FAM81A: variants seen among roughly 807,000 people sequenced by gnomAD.
FAM81A encodes the protein protein FAM81A.
Under a neutral mutation model 46.7 loss-of-function variants are expected in FAM81A, and 19 were observed. The ratio of observed to expected loss-of-function variants is 0.41; its 90% CI spans 0.28 to 0.60. The LOEUF (loss-of-function observed/expected upper bound fraction) is 0.60, where lower values mean the gene tolerates loss of function less well. Among genes scored for constraint, FAM81A ranks in the 20% least tolerant of loss-of-function variants. The pLI, the probability that FAM81A is intolerant of heterozygous loss-of-function variation, is 0.34. For missense variants in FAM81A, 377 were observed against 453.5 expected, an observed-to-expected ratio of 0.83 and a Z score of 1.53; for synonymous variants, 183 against 152.9, an observed-to-expected ratio of 1.20 and a Z score of -1.45.
At chr15:59,465,611 C>T (rs749450113) in intron 3 of FAM81A, among the ~76,000 whole-genome samples, 46 of 152,082 alleles carry the variant, frequency 3.0e-4, no homozygotes, top group South Asian at 2.1e-4. Context: ...TGTCTATTCG[C>T]GGTCTTTTGT....
intron 8 of FAM81A, among the ~76,000 whole-genome samples, chr15:59,517,633 T>A (rs1319173182): frequency 2.6e-5 from 4 of 152,242 alleles, no homozygotes; most frequent in Non-Finnish European, 4.4e-5. Flanking sequence ...TGTTCTGTTT[T>A]GGCCACATGG....
chr15:59,521,181 C>T, intron 8 of FAM81A, 73 bp from the exon 9 acceptor site: 1 of 1,522,312 alleles, frequency 6.6e-7, no homozygotes, highest in South Asian at 1.3e-5. Context: ...TCAACCATTA[C>T]TAGATACTAT....
intron 1 of FAM81A, chr15:59,401,090 G>A (rs1446962904): frequency 3.6e-6 from 2 of 552,464 alleles, no homozygotes; most frequent in African/African-American, 3.8e-5. Context: ...CCATTTTAAT[G>A]TTTGCAATTT....
At chr15:59,492,580 T>C (rs2081992755) in intron 4 of FAM81A, among the ~76,000 whole-genome samples, 191 bp downstream of exon 4, 1 of 152,172 alleles carries the variant, frequency 6.6e-6, no homozygotes. Context: ...TGGGTTTCTT[T>C]TGTTACGCAA....
At chr15:59,413,527 G>T (rs1430880572) in intron 2 of FAM81A, among the ~76,000 whole-genome samples, 1 of 151,836 alleles carries the variant, frequency 6.6e-6, no homozygotes, top group Non-Finnish European at 1.5e-5. Flanking sequence ...TATTTCAGGG[G>T]ATATAATCTT....
At chr15:59,418,968 G>C (rs554463588) in intron 2 of FAM81A, among the ~76,000 whole-genome samples, 3 of 152,132 alleles carry the variant, frequency 2.0e-5, no homozygotes, top group African/African-American at 7.2e-5. Context: ...TTTCTGAACA[G>C]ACTGGCTGTA....
chr15:59,413,628 G>T (rs1182983760), intron 2 of FAM81A, among the ~76,000 whole-genome samples: 1 of 152,122 alleles, frequency 6.6e-6, no homozygotes, highest in African/African-American at 2.4e-5. Context: ...GCATGCAAGA[G>T]CTCTTGTTTT....
At chr15:59,407,319 G>A (rs1244415909) in intron 2 of FAM81A, 1 of 113,740 alleles carries the variant, frequency 8.8e-6, no homozygotes, top group Admixed American at 1.2e-4. Flanking sequence ...TTTTGAGACA[G>A]AGTCTCGCTC....
chr15:59,486,488 C>A (rs1242974100), intron 3 of FAM81A, among the ~76,000 whole-genome samples: 1 of 151,876 alleles, frequency 6.6e-6, no homozygotes, highest in East Asian at 1.9e-4. Flanking sequence ...AAAGGGATAA[C>A]AGAGAACTTC....
At chr15:59,463,692 A>G (rs1323686084) in intron 3 of FAM81A, among the ~76,000 whole-genome samples, 2 of 151,796 alleles carry the variant, frequency 1.3e-5, no homozygotes, top group African/African-American at 4.8e-5. Flanking sequence ...AAAAATAACA[A>G]TAATAATAAT....
chr15:59,446,534 A>T (rs1433706097), intron 1 of FAM81A: 1 of 152,224 alleles, frequency 6.6e-6, no homozygotes, highest in Non-Finnish European at 1.5e-5. Context: ...GGTCAGAAAC[A>T]CATCACCCCT....
chr15:59,491,923 G>T (rs2081985482), intron 3 of FAM81A, among the ~76,000 whole-genome samples: 1 of 151,494 alleles, frequency 6.6e-6, no homozygotes, highest in African/African-American at 2.4e-5. Context: ...CTGAGATTGT[G>T]CCACTGCACT....
At chr15:59,492,135 C>A (rs4291860) in intron 3 of FAM81A, 136 bp from the exon 4 acceptor site, 558,171 of 638,120 alleles carry the variant, frequency 0.87, 244,654 homozygotes, top group Admixed American at 0.93. Flanking sequence ...TTAAGTGTGC[C>A]TTAGGTGACT....
intron 2 of FAM81A, among the ~76,000 whole-genome samples, chr15:59,422,320 C>T (rs564529045): frequency 8.6e-5 from 13 of 151,998 alleles, no homozygotes; most frequent in African/African-American, 1.7e-4. Flanking sequence ...CCCAGGAGTT[C>T]GAGGCTGAAG....
intron 3 of FAM81A, among the ~76,000 whole-genome samples, chr15:59,486,753 CTT>C (rs1461884294): frequency 2.6e-5 from 4 of 152,038 alleles, no homozygotes; most frequent in Admixed American, 6.6e-5. Context: ...GAAAAAAAAA[CTT>C]AGCATAAAAC....
chr15:59,508,139 ATGAGTGAGAATGGAATTACT>A (rs1449905200), intron 5 of FAM81A, among the ~76,000 whole-genome samples: 19 of 152,346 alleles, frequency 1.2e-4, no homozygotes, highest in African/African-American at 4.1e-4. Context: ...TTTTTGAAGA[ATGAGTGAGAATGGAATTACT>A]ACACCAGAGA....
intron 1 of FAM81A, among the ~76,000 whole-genome samples, chr15:59,443,266 G>A (rs1485634128): frequency 2.0e-5 from 3 of 152,104 alleles, no homozygotes; most frequent in Non-Finnish European, 4.4e-5. Flanking sequence ...TAATTTTGTA[G>A]AGACAGTGTT....
chr15:59,475,671 A>C (rs560393770), intron 3 of FAM81A, among the ~76,000 whole-genome samples: 61 of 152,326 alleles, frequency 4.0e-4, no homozygotes, highest in African/African-American at 9.9e-4. Flanking sequence ...TAAATTTGGC[A>C]AAAAATTTAG....
chr15:59,462,073 G>A (rs576101762), intron 3 of FAM81A, among the ~76,000 whole-genome samples: 120 of 151,878 alleles, frequency 7.9e-4, no homozygotes, highest in Non-Finnish European at 1.6e-3. Context: ...CGAGGTAGCG[G>A]GTGCCTGTAG....
Sources: allele counts gnomAD v4.1 joint callset (sites outside exome capture counted in the v4.1 genomes callset), GRCh38; gene constraint gnomAD v4.1.1; transcripts MANE v1.5; gene names NCBI Gene and HGNC (gene_info 2026-07-23, HGNC 2026-07-21).